The following GRM8 variants were observed in gnomAD, a reference collection of about 807,000 sequenced individuals.
GRM8 encodes the protein metabotropic glutamate receptor 8.
GRM8 carries 47 observed loss-of-function variants against 87.2 expected under a neutral mutation model. The observed-to-expected ratio is 0.54, with a 90% CI of 0.43 to 0.69. GRM8 has a LOEUF of 0.69. Ranked by LOEUF, GRM8 falls within the 30% of genes least tolerant of loss-of-function variation. GRM8 has a pLI of 0.00. For synonymous variants in GRM8, 396 were observed against 404.5 expected (o/e 0.98, Z 0.25); for missense variants, 1,019 against 1,139.2 (o/e 0.89, Z 1.52).
chr7:127,184,713 T>A (rs1047405099), intron 2 of GRM8, among the ~76,000 whole-genome samples: 1 of 151,944 alleles, frequency 6.6e-6, no homozygotes, highest in African/African-American at 2.4e-5. Context: ...ATTCACAATT[T>A]TCTCTGTGCA....
chr7:126,885,931 C>A (rs982056821), intron 6 of GRM8, among the ~76,000 whole-genome samples: 3 of 152,186 alleles, frequency 2.0e-5, no homozygotes, highest in Non-Finnish European at 4.4e-5. Context: ...GCAGGGGCTG[C>A]ATTTTGATAT....
chr7:126,552,658 G>C (rs1792711316), intron 8 of GRM8, among the ~76,000 whole-genome samples: 1 of 152,054 alleles, frequency 6.6e-6, no homozygotes, highest in Admixed American at 6.6e-5. Context: ...TATTTACTAT[G>C]TGTTATTTGT....
At chr7:127,205,393 G>A (rs2237799) in intron 2 of GRM8, among the ~76,000 whole-genome samples, 22,947 of 152,062 alleles carry the variant, frequency 0.15, 2,191 homozygotes, top group Middle Eastern at 0.2. Context: ...ACCAAGACTC[G>A]GGCTTTCTTT....
intron 3 of GRM8, among the ~76,000 whole-genome samples, chr7:126,913,030 G>T (rs1431352271): frequency 6.6e-6 from 1 of 152,098 alleles, no homozygotes; most frequent in Admixed American, 6.5e-5. Context: ...AAAGGATAAA[G>T]AATTATGTTT....
chr7:126,888,094 C>G (rs184545926), intron 6 of GRM8, among the ~76,000 whole-genome samples: 5 of 152,032 alleles, frequency 3.3e-5, no homozygotes, highest in Admixed American at 2.6e-4. Flanking sequence ...ACCACTGCTC[C>G]CTTTCACAGG....
intron 3 of GRM8, among the ~76,000 whole-genome samples, chr7:127,033,848 A>G (rs1563435167): frequency 2.0e-5 from 3 of 152,228 alleles, no homozygotes; most frequent in Admixed American, 6.5e-5. Context: ...CTAAAATCAC[A>G]TGTGTAAACA....
intron 2 of GRM8, among the ~76,000 whole-genome samples, chr7:127,109,673 G>A (rs554781643): frequency 2.0e-5 from 3 of 152,132 alleles, no homozygotes; most frequent in Admixed American, 6.5e-5. Context: ...TGACTCTGCT[G>A]GCTTATGATC....
chr7:126,703,851 C>A (rs536107738), intron 7 of GRM8, among the ~76,000 whole-genome samples: 3 of 152,168 alleles, frequency 2.0e-5, no homozygotes, highest in Non-Finnish European at 2.9e-5. Flanking sequence ...CTTAAGCCAC[C>A]ACACCTGGCC....
chr7:126,507,398 G>T (rs1314580828), intron 9 of GRM8, among the ~76,000 whole-genome samples: 1 of 152,052 alleles, frequency 6.6e-6, no homozygotes, highest in Non-Finnish European at 1.5e-5. Flanking sequence ...GTGTGAGGAT[G>T]AACTTGTGTC....
At chr7:126,880,604 G>A (rs977511789) in intron 6 of GRM8, among the ~76,000 whole-genome samples, 1 of 152,228 alleles carries the variant, frequency 6.6e-6, no homozygotes, top group African/African-American at 2.4e-5. Context: ...CCCTCTGCAT[G>A]TGAAGAGCTT....
chr7:126,499,500 G>A (rs1809315225), intron 9 of GRM8, among the ~76,000 whole-genome samples: 1 of 151,622 alleles, frequency 6.6e-6, no homozygotes, highest in South Asian at 2.1e-4. Flanking sequence ...GTATGATGAA[G>A]GGATGTCTGC....
chr7:127,091,753 G>A (rs187260445), intron 3 of GRM8, among the ~76,000 whole-genome samples: 145 of 48,882 alleles, frequency 3.0e-3, no homozygotes, highest in Non-Finnish European at 4.6e-3. Context: ...CATCCCTCCC[G>A]TCCCACTGAT....
At chr7:126,906,703 G>A (rs1378971105) in intron 3 of GRM8, among the ~76,000 whole-genome samples, 1 of 152,170 alleles carries the variant, frequency 6.6e-6, no homozygotes, top group African/African-American at 2.4e-5. Context: ...AGATGTATGA[G>A]TAACTGGTGC....
At chr7:126,677,360 CA>C (rs35134983) in intron 7 of GRM8, among the ~76,000 whole-genome samples, 19,548 of 115,698 alleles carry the variant, frequency 0.17, 1,452 homozygotes, top group Non-Finnish European at 0.2. Context: ...GGCATCCACC[CA>C]AAAAAAAAAA....
intron 3 of GRM8, among the ~76,000 whole-genome samples, chr7:127,033,835 A>C (rs1395859010): frequency 6.6e-6 from 1 of 152,220 alleles, no homozygotes; most frequent in Non-Finnish European, 1.5e-5. Context: ...TTAATAATGA[A>C]AGCTAAAATC....
At chr7:126,570,300 G>T (rs753577820) in intron 8 of GRM8, among the ~76,000 whole-genome samples, 1 of 152,138 alleles carries the variant, frequency 6.6e-6, no homozygotes, top group Non-Finnish European at 1.5e-5. Context: ...AGACAGTGTA[G>T]AACAGTGTTG....
At chr7:126,701,140 A>G (rs761204699) in intron 7 of GRM8, among the ~76,000 whole-genome samples, 4 of 152,140 alleles carry the variant, frequency 2.6e-5, no homozygotes, top group Non-Finnish European at 4.4e-5. Context: ...TCAAAGTATA[A>G]TAAGAGAAAC....
rs184063205 is a variant in GRM8, at chr7:126,816,965, A to T, written c.1157-46900T>A. On this transcript the variant is annotated intron_variant, in intron 6 of 10. Transcript: ENST00000339582. ...ATTATTTCATTTGTAATATTTCATTATATATCTTTAAGAAATAAAGACTCT... is the reference window on the plus strand; with the variant it reads ...ATTATTTCATTTGTAATATTTCATTTTATATCTTTAAGAAATAAAGACTCT... Among the ~76,000 whole-genome samples, 687 of 152,142 alleles carry T rather than the reference A, an allele frequency of 4.5e-3. 3 individuals carry two copies. Among genetic ancestry groups the T allele is most frequent in the South Asian group, 0.014 (67 of 4,826 alleles).
intron 6 of GRM8, among the ~76,000 whole-genome samples, chr7:126,771,713 A>T (rs149842219): frequency 1.9e-4 from 29 of 152,182 alleles, no homozygotes; most frequent in African/African-American, 6.7e-4. Context: ...CCAATGGCCT[A>T]CCATATCTCT....
Sources: allele counts gnomAD v4.1 joint callset (sites outside exome capture counted in the v4.1 genomes callset), GRCh38; gene constraint gnomAD v4.1.1; transcripts MANE v1.5; gene names NCBI Gene and HGNC (gene_info 2026-07-23, HGNC 2026-07-21).